SRRM2: variants seen among roughly 807,000 people sequenced by gnomAD.
The protein encoded by SRRM2 is serine/arginine repetitive matrix protein 2.
Under a neutral mutation model 213.8 loss-of-function variants are expected in SRRM2, and 30 were observed. The ratio of observed to expected loss-of-function variants is 0.14; its 90% CI spans 0.10 to 0.19. SRRM2 has a LOEUF of 0.19. Ranked by LOEUF, SRRM2 falls within the 10% of genes least tolerant of loss-of-function variation. SRRM2 has a pLI of 1.00. For missense variants in SRRM2, 4,904 were observed against 3,647.0 expected (o/e 1.34, Z -8.88); for synonymous variants, 2,025 against 1,377.7 (o/e 1.47, Z -10.40).
Position 2,758,457 on chromosome 16 carries a change from C to T in SRRM2, c.516-13C>T, listed in dbSNP as rs2068227075. On this transcript the variant is annotated splice_polypyrimidine_tract_variant and intron_variant, in intron 4 of 14. Coordinates refer to ENST00000301740, the MANE Select transcript of SRRM2 (RefSeq NM_016333.4). ...TCTACCACCCATCTCTGCTGCTTTT[C>T]ATTTTTCCCTAGCCTTGTTCGGGAG... The T allele has an allele frequency of 6.2e-7, 1 of 1,611,508 alleles. No homozygotes were observed. The highest frequency in any genetic ancestry group is 1.1e-5 in the South Asian group (1 of 91,020).
rs771948397 is a variant in SRRM2 at position 2,770,703 on chromosome 16, A to ACAC, written c.8237_8239dup (p.His2746dup). On this transcript the variant is annotated inframe_insertion, in exon 14 of 15. Transcript: ENST00000301740. ...AGACACCTAGCCCTCGGCCCATGAGACACCGCTCCTCCAGGTGCGTGTCCT... is the reference window on the plus strand; with the variant it reads ...AGACACCTAGCCCTCGGCCCATGAGACACCACCGCTCCTCCAGGTGCGTGTCCT... 9.6e-6 allele frequency: 15 copies of ACAC among 1,561,328 alleles called. No individual in the cohort carries two copies. Among genetic ancestry groups the ACAC allele is most frequent in the Non-Finnish European group, 1.2e-5 (14 of 1,151,380 alleles).
Position 2,766,776 on chromosome 16 carries a change from G to T in SRRM2, c.6248G>T (p.Ser2083Ile). The change falls in exon 11 of 15, where the codon AGT becomes ATT. Residue 2083 changes from serine (S) to isoleucine (I), a missense_variant. Ser to Ile is a moderately radical substitution (Grantham distance 142). Coordinates refer to ENST00000301740, the MANE Select transcript of SRRM2 (RefSeq NM_016333.4). The surrounding 1 kb of genome is among the most constrained non-coding windows in gnomAD (Gnocchi z 7.0). ...PAIRRRSASG[S>I]SSDRSRSATP... Reference sequence around the variant, plus strand: ...ATCCGCAGGCGTTCTGCATCTGGAAGTAGTTCTGATCGTTCACGATCTGCT... The same window carrying T: ...ATCCGCAGGCGTTCTGCATCTGGAATTAGTTCTGATCGTTCACGATCTGCT... 1.2e-6 allele frequency: 2 copies of T among 1,614,206 alleles called. No individual in the cohort carries two copies. The highest frequency in any genetic ancestry group is 8.5e-7 in the Non-Finnish European group (1 of 1,180,040).
Position 2,763,964 on chromosome 16 carries a change from C to G in SRRM2, c.3436C>G (p.Pro1146Ala), listed in dbSNP as rs2068452279. ...SRFQSDSSSY[P>A]TVDSNSLLGQ... ...GTTCCAGTCTGACTCTTCTTCATAT[C>G]CTACAGTGGACTCGAATTCTCTCTT... Residue 1146 changes from proline to alanine, a missense_variant, in exon 11 of 15, where the codon CCT (proline) becomes GCT (alanine). Physicochemically the swap from Pro to Ala is conservative, Grantham distance 27. Coordinates refer to ENST00000301740, the MANE Select transcript of SRRM2 (RefSeq NM_016333.4). The G allele has an allele frequency of 1.2e-6, 2 of 1,614,194 alleles. No homozygotes were observed. Among genetic ancestry groups the G allele is most frequent in the Non-Finnish European group, 1.7e-6 (2 of 1,180,036 alleles).
chr16:2,768,976 G>A (rs1466930685), intron 11 of SRRM2, 21 bp from the exon 12 acceptor site: 1 of 1,611,128 alleles, frequency 6.2e-7, no homozygotes, highest in Non-Finnish European at 8.5e-7. Flanking sequence ...GTCTCCTTGT[G>A]ACACTCCTCT....
At chr16:2,755,090 A>C (rs1007912047) in intron 1 of SRRM2, among the ~76,000 whole-genome samples, 1 of 152,128 alleles carries the variant, frequency 6.6e-6, no homozygotes, top group South Asian at 2.1e-4. Flanking sequence ...TCTTAGTAGT[A>C]TTTTCTCATA....
intron 1 of SRRM2, among the ~76,000 whole-genome samples, chr16:2,753,898 C>T (rs1053886174): frequency 6.6e-6 from 1 of 152,036 alleles, no homozygotes; most frequent in South Asian, 2.1e-4. Flanking sequence ...ACCCTTGTCT[C>T]CCCTTTTTCT....
intron 1 of SRRM2, among the ~76,000 whole-genome samples, 171 bp downstream of exon 1, chr16:2,753,017 C>T (rs1000333278): frequency 2.0e-5 from 3 of 146,948 alleles, no homozygotes; most frequent in Non-Finnish European, 4.5e-5. Context: ...TCCCGCCGTT[C>T]CTGTCGCGCG....
rs187972263 is a variant in SRRM2 at position 2,760,555 on chromosome 16, G to C, written c.1032+56G>C. The C allele has an allele frequency of 1.0e-5, 16 of 1,585,158 alleles. No individual in the cohort carries two copies. In the East Asian group the frequency reaches 2.7e-4, roughly 27 times the overall value. ...ATTGCAAATGTATAGATTTAGGATAGACATGTGATGTGAAAGGGAGAGGTA... is the reference window on the plus strand; with the variant it reads ...ATTGCAAATGTATAGATTTAGGATACACATGTGATGTGAAAGGGAGAGGTA... On this transcript the variant is annotated intron_variant, in intron 10 of 14. Transcript: ENST00000301740.
Position 2,764,965 on chromosome 16 carries a change from A to T in SRRM2, c.4437A>T (p.Glu1479Asp). 6.2e-7 allele frequency: 1 copy of T among 1,614,122 alleles called. No individual in the cohort carries two copies. Among genetic ancestry groups the T allele is most frequent in the Non-Finnish European group, 8.5e-7 (1 of 1,180,022 alleles). ...GAACGCCATCTAGAGGGAGAAGCGA[A>T]TGTGATTCTTCCCCAGAACCGAAAG... The part of the protein sequence containing the change: ...IPRTPSRGRS[E>D]CDSSPEPKAL... The change falls in exon 11 of 15, where the codon GAA becomes GAT. Residue 1479 changes from glutamate (E) to aspartate (D), a missense_variant. Transcript: ENST00000301740.
At chr16:2,755,008 A>G (rs1451728141) in intron 1 of SRRM2, among the ~76,000 whole-genome samples, 1 of 152,224 alleles carries the variant, frequency 6.6e-6, no homozygotes, top group African/African-American at 2.4e-5. Context: ...TTCTAAATGC[A>G]TCCTTCCCTT....
chr16:2,765,124 C>G lies in SRRM2; in HGVS notation c.4596C>G (p.Pro1532=). 1 of 1,614,180 alleles carries G rather than the reference C, an allele frequency of 6.2e-7. No homozygotes were observed. The highest frequency in any genetic ancestry group is 8.5e-7 in the Non-Finnish European group (1 of 1,180,038). Residue 1532 remains proline (P), a synonymous_variant, in exon 11 of 15, where the codon CCC becomes CCG. Transcript: ENST00000301740. The stretch of plus-strand genomic sequence containing the variant: ...ATCAGAAAACTGTGGCTCGGACTCC[C>G]CTGGGGCAGAGAAGTCGTTCGGGAT... ...SVDQKTVART[P]LGQRSRSGSS...
At chr16:2,752,907 C>T (rs919838561) in intron 1 of SRRM2, 61 bp downstream of exon 1, 11 of 187,818 alleles carry the variant, frequency 5.9e-5, no homozygotes, top group Non-Finnish European at 9.0e-5. Context: ...CGGCGCGAGG[C>T]CAAAGCGCGC....
rs1347589353 is a variant in SRRM2, at chr16:2,766,048, C to T, written c.5520C>T (p.Gly1840=). Residue 1840 remains glycine (G), a synonymous_variant, in exon 11 of 15, where the codon GGC becomes GGT. Transcript: ENST00000301740. This position sits in a 1 kb window ranked among gnomAD's most constrained non-coding sequence, Gnocchi z 7.0. ...GGACCTCCTCTCGACGCCGAAGAGG[C>T]CGCTCTCGGACACCCCCAACCAGTC... The part of the protein sequence containing the change: ...SSRTSSRRRR[G]RSRTPPTSRK... 10 of 1,614,042 alleles carry T rather than the reference C, an allele frequency of 6.2e-6. No homozygotes were observed. Among genetic ancestry groups the T allele is most frequent in the Non-Finnish European group, 8.5e-6 (10 of 1,180,030 alleles).
rs555537480 is a variant in SRRM2 at position 2,767,194 on chromosome 16, C to T, written c.6666C>T (p.Thr2222=). 242 of 1,614,184 alleles carry T rather than the reference C, an allele frequency of 1.5e-4. 4 individuals are homozygous for T. The South Asian group carries it at 1.9e-3, about 13-fold the overall frequency. ...CGGTGCCTCTCATGAGTCTCAGAAC[C>T]GCACCAGCAGCCAACCTTGCCAGCA... is the stretch of plus-strand genomic sequence containing the variant. The part of the protein sequence containing the change: ...PAPVPLMSLR[T]APAANLASRI... Residue 2222 remains threonine (T), a synonymous_variant, in exon 11 of 15, where the codon ACC becomes ACT. Coordinates refer to ENST00000301740, the MANE Select transcript of SRRM2 (RefSeq NM_016333.4).
At chr16:2,769,767 CCT>C (rs1321409619) in intron 12 of SRRM2, 4 of 466,920 alleles carry the variant, frequency 8.6e-6, no homozygotes, top group Admixed American at 4.7e-5. Context: ...CAAAGCCCCA[CCT>C]CTGCGGGAGT....
intron 12 of SRRM2, chr16:2,769,495 C>T (rs549145503): frequency 2.0e-4 from 131 of 640,200 alleles, no homozygotes; most frequent in South Asian, 9.1e-4. Flanking sequence ...AGGCCAGGAC[C>T]AGGGGGTCCT....
Position 2,762,551 on chromosome 16 carries a change from G to C in SRRM2, c.2023G>C (p.Ala675Pro). ...RRGRSRSRTPARRSGRSRSRT... is the reference protein window; with the variant it reads ...RRGRSRSRTPPRRSGRSRSRT... ...TGGCCGCTCACGCTCTAGAACCCCAGCTAGACGCAGTGGTCGCTCACGCTC... is the reference window on the plus strand; with the variant it reads ...TGGCCGCTCACGCTCTAGAACCCCACCTAGACGCAGTGGTCGCTCACGCTC... Residue 675 changes from alanine (A) to proline (P), a missense_variant, in exon 11 of 15, where the codon GCT (alanine) becomes CCT (proline). Coordinates refer to ENST00000301740, the MANE Select transcript of SRRM2 (RefSeq NM_016333.4). 1 of 1,613,818 alleles carries C rather than the reference G, an allele frequency of 6.2e-7. No individual in the cohort carries two copies. The highest frequency in any genetic ancestry group is 8.5e-7 in the Non-Finnish European group (1 of 1,179,960).
At chr16:2,768,857 A>T in intron 11 of SRRM2, 140 bp from the exon 12 acceptor site, 1 of 1,525,440 alleles carries the variant, frequency 6.6e-7, no homozygotes, top group Non-Finnish European at 8.8e-7. Flanking sequence ...TCTCCAGAGA[A>T]TTGCTGGCTC....
At chr16:2,769,516 C>G in intron 12 of SRRM2, 1 of 626,650 alleles carries the variant, frequency 1.6e-6, no homozygotes, top group East Asian at 2.8e-5. Context: ...TGGTTTCTTC[C>G]TCTCCCTCCC....
Sources: allele counts gnomAD v4.1 joint callset (sites outside exome capture counted in the v4.1 genomes callset), GRCh38; gene constraint gnomAD v4.1.1; non-coding constraint Gnocchi (gnomAD v3.1); transcripts MANE v1.5; gene names NCBI Gene and HGNC (gene_info 2026-07-23, HGNC 2026-07-21).